FAXDC2: variants seen among roughly 807,000 people sequenced by gnomAD.
FAXDC2 encodes fatty acid hydroxylase domain containing 2.
In FAXDC2, 41 loss-of-function variants were observed where a neutral mutation model predicts 40.9. The ratio of observed to expected loss-of-function variants is 1.00; its 90% confidence interval spans 0.78 to 1.30. FAXDC2 has a LOEUF of 1.30. Ranked by LOEUF, FAXDC2 falls within the 50% of genes most tolerant of loss-of-function variation. FAXDC2 has a pLI of 0.00. For synonymous variants in FAXDC2, 157 were observed against 149.3 expected (o/e 1.05, Z -0.38); for missense variants, 390 against 408.8 (o/e 0.95, Z 0.40).
At chr5:154,848,085 C>T (rs182581510) in intron 1 of FAXDC2, among the ~76,000 whole-genome samples, 9 of 152,274 alleles carry the variant, frequency 5.9e-5, no homozygotes, top group African/African-American at 1.9e-4. Flanking sequence ...GTGATCCGCC[C>T]GCCTCGGCCT....
Position 154,834,955 on chromosome 5 carries a change from G to A in FAXDC2, c.49-21C>T, listed in dbSNP as rs1162783637. 4.6e-6 allele frequency: 7 copies of A among 1,506,032 alleles called. No homozygotes were observed. The East Asian group carries it at 1.2e-4, about 25-fold the overall frequency. 93.3% of individuals were successfully genotyped at this position (1,506,032 alleles called of 1,614,324 possible). ...CCCTCCTGGAGGAGGGCAGGGAAGT[G>A]TCAGACCCCAGCAAGCCTCCTGCCT... On this transcript the variant is annotated intron_variant, in intron 2 of 8. Coordinates refer to ENST00000326080, the MANE Select transcript of FAXDC2 (RefSeq NM_032385.5).
intron 7 of FAXDC2, 107 bp from the exon 8 acceptor site, chr5:154,821,533 G>T: frequency 1.2e-6 from 1 of 800,440 alleles, no homozygotes; most frequent in Non-Finnish European, 1.9e-6. Flanking sequence ...CCTTGACCCA[G>T]ATCTGGAGAA....
intron 7 of FAXDC2, chr5:154,822,217 C>T: frequency 2.4e-6 from 1 of 424,876 alleles, no homozygotes. Flanking sequence ...ATGATCACAC[C>T]ACTGCACTCC....
At position 154,835,883 on chromosome 5, in the gene FAXDC2, C is replaced by CTTTTTTTTTTTTTTTTTTTT. The variant is rs869068025; in HGVS notation, c.49-969_49-950dup. Among the ~76,000 whole-genome samples the CTTTTTTTTTTTTTTTTTTTT allele has an allele frequency of 2.3e-4, 11 of 47,868 alleles. 1 individual carries two copies. Among genetic ancestry groups the CTTTTTTTTTTTTTTTTTTTT allele is most frequent in the Non-Finnish European group, 3.2e-4 (8 of 25,314 alleles). The allele number at this position is 47,868 out of a possible 152,430, so 31.4% of individuals were successfully genotyped here. Reference sequence around the variant, plus strand: ...GGAGTGAGCCACCGCGCCCGGCCGACTTTTTTTTTTTTTTTTTTTTTTTTT... The same window carrying CTTTTTTTTTTTTTTTTTTTT: ...GGAGTGAGCCACCGCGCCCGGCCGACTTTTTTTTTTTTTTTTTTTTTTTTTTTTTTTTTTTTTTTTTTTTT... On this transcript the variant is annotated intron_variant, in intron 2 of 8. Coordinates refer to ENST00000326080, the MANE Select transcript of FAXDC2 (RefSeq NM_032385.5).
intron 6 of FAXDC2, among the ~76,000 whole-genome samples, chr5:154,823,145 G>A (rs1759930008): frequency 6.6e-6 from 1 of 152,124 alleles, no homozygotes; most frequent in Admixed American, 6.5e-5. Context: ...CCAAGTAGCT[G>A]GGACTACAAG....
At position 154,830,137 on chromosome 5, in the gene FAXDC2, G is replaced by A. The variant is rs1011607113; in HGVS notation, c.366+664C>T. 5.3e-5 allele frequency among the ~76,000 whole-genome samples: 8 copies of A among 152,332 alleles called. No individual in the cohort carries two copies. The East Asian group carries it at 1.5e-3, about 29-fold the overall frequency. Reference sequence around the variant, plus strand: ...CAGGATGTGGTTTGGGTGGAGCTGGGTAAAGAACCTGGGTTTCAGAATCAA... The same window carrying A: ...CAGGATGTGGTTTGGGTGGAGCTGGATAAAGAACCTGGGTTTCAGAATCAA... On this transcript the variant is annotated intron_variant, in intron 5 of 8. Coordinates refer to ENST00000326080, the MANE Select transcript of FAXDC2 (RefSeq NM_032385.5).
At chr5:154,837,489 C>T (rs960049691) in intron 2 of FAXDC2, among the ~76,000 whole-genome samples, 1 of 152,116 alleles carries the variant, frequency 6.6e-6, no homozygotes, top group Non-Finnish European at 1.5e-5. Flanking sequence ...GACTGGTGAC[C>T]TTGGGCTTTT....
chr5:154,819,638 C>T lies in FAXDC2; in HGVS notation c.*678G>A, dbSNP rs1759825158. ...TCGTTGGTTTTAATCCAGGGAGGAG[C>T]TCCTGGATTTCTTTTTCTCCCCCAC... On this transcript the variant is annotated 3_prime_UTR_variant, in exon 9 of 9. Transcript: ENST00000326080. The T allele has an allele frequency of 6.6e-6, 1 of 152,162 alleles. No individual in the cohort carries two copies. Among genetic ancestry groups the T allele is most frequent in the South Asian group, 2.1e-4 (1 of 4,828 alleles). 9.4% of individuals were successfully genotyped at this position (152,162 alleles called of 1,614,324 possible). A position where few individuals can be genotyped will look rare whatever the true frequency, so the allele number is the denominator to read the frequency against.
chr5:154,832,509 CT>C (rs1760219171), intron 4 of FAXDC2, among the ~76,000 whole-genome samples: 2 of 152,188 alleles, frequency 1.3e-5, no homozygotes, highest in South Asian at 2.1e-4. Context: ...CCCATATTTA[CT>C]TTTATACCCA....
intron 5 of FAXDC2, chr5:154,824,220 C>G: frequency 2.0e-6 from 1 of 490,578 alleles, no homozygotes; most frequent in South Asian, 2.5e-5. Flanking sequence ...CCCAAGTGTC[C>G]AAAGTCCATT....
intron 5 of FAXDC2, chr5:154,823,979 C>T (rs926363190): frequency 4.0e-6 from 1 of 249,920 alleles, no homozygotes; most frequent in Admixed American, 5.0e-5. Flanking sequence ...CCATTTCAGC[C>T]ATTTAGCCCC....
chr5:154,825,670 C>T (rs55734017), intron 5 of FAXDC2, among the ~76,000 whole-genome samples: 40,371 of 71,564 alleles, frequency 0.56, 11,149 homozygotes, highest in Middle Eastern at 0.67. Context: ...AAAAAAAAAG[C>T]AGTAATATAG....
chr5:154,843,836 A>G (rs1203349458), intron 1 of FAXDC2, among the ~76,000 whole-genome samples: 1 of 152,254 alleles, frequency 6.6e-6, no homozygotes, highest in African/African-American at 2.4e-5. Flanking sequence ...CAATAAAGAA[A>G]TAAGTTTGGC....
chr5:154,839,341 AAG>A (rs1760427263), intron 1 of FAXDC2, among the ~76,000 whole-genome samples: 1 of 151,404 alleles, frequency 6.6e-6, no homozygotes, highest in Non-Finnish European at 1.5e-5. Flanking sequence ...AAAAAAAAAA[AAG>A]AAAAGAAATA....
In FAXDC2 at chr5:154,846,782, T is replaced by G. The variant is rs540365893; in HGVS notation, c.-1+3701A>C. Among the ~76,000 whole-genome samples the G allele has an allele frequency of 7.2e-5, 11 of 152,220 alleles. No homozygotes were observed. In the East Asian group the frequency reaches 1.9e-3, roughly 27 times the overall value. On this transcript the variant is annotated intron_variant, in intron 1 of 8. Transcript: ENST00000326080. ...TCCAAATTTTATTTATTTATTTATT[T>G]TGAGACAGAGTTTCACTCTGTCCAG...
At chr5:154,820,993 A>G in intron 8 of FAXDC2, 1 of 436,398 alleles carries the variant, frequency 2.3e-6, no homozygotes, top group South Asian at 3.0e-5. Context: ...TTTTATGCAT[A>G]TATGTACTTT....
At chr5:154,846,965 TTTA>T (rs1202227459) in intron 1 of FAXDC2, among the ~76,000 whole-genome samples, 1 of 151,700 alleles carries the variant, frequency 6.6e-6, no homozygotes, top group Non-Finnish European at 1.5e-5. Flanking sequence ...AAGGATTTTA[TTTA>T]TTTTTATTTT....
intron 1 of FAXDC2, among the ~76,000 whole-genome samples, chr5:154,850,197 A>G (rs1376837156): frequency 2.0e-5 from 3 of 152,220 alleles, no homozygotes; most frequent in African/African-American, 7.2e-5. Flanking sequence ...ATCACCTGTC[A>G]ATTGCTAGAA....
intron 2 of FAXDC2, among the ~76,000 whole-genome samples, chr5:154,835,710 A>C (rs1195576340): frequency 6.6e-6 from 1 of 151,406 alleles, no homozygotes; most frequent in Non-Finnish European, 1.5e-5. Flanking sequence ...ACTCTGGAGT[A>C]GCTGGGACTA....
Sources: allele counts gnomAD v4.1 joint callset (sites outside exome capture counted in the v4.1 genomes callset), GRCh38; gene constraint gnomAD v4.1.1; transcripts MANE v1.5; gene names NCBI Gene and HGNC (gene_info 2026-07-23, HGNC 2026-07-21).